HTR5A: variants seen among roughly 807,000 people sequenced by gnomAD.
The protein encoded by HTR5A is 5-HT-5.
A neutral mutation model predicts 24.3 loss-of-function variants in HTR5A; 21 were observed. The observed-to-expected ratio is 0.86, with a 90% CI of 0.61 to 1.24. HTR5A has a LOEUF of 1.24. HTR5A is among the 50% of genes most tolerant of loss of function. The probability of loss-of-function intolerance (pLI) is 0.00; values close to 1 mark genes in which losing one functional copy is unlikely to be tolerated. For missense variants in HTR5A, 497 were observed against 489.5 expected, an observed-to-expected ratio of 1.02 and a Z score of -0.15; for synonymous variants, 260 against 213.7, an observed-to-expected ratio of 1.22 and a Z score of -1.89.
At chr7:155,076,029 C>G (rs904617747) in intron 1 of HTR5A, among the ~76,000 whole-genome samples, 1 of 152,188 alleles carries the variant, frequency 6.6e-6, no homozygotes, top group African/African-American at 2.4e-5. Context: ...AACTTTTCTT[C>G]TCAGTTGACA....
rs987805565 is a variant in HTR5A at position 155,071,285 on chromosome 7, T to C, written c.386T>C (p.Ile129Thr). 1 of 1,608,938 alleles carries C rather than the reference T, an allele frequency of 6.2e-7. No homozygotes were observed. The highest frequency in any genetic ancestry group is 8.5e-7 in the Non-Finnish European group (1 of 1,179,870). Residue 129 changes from isoleucine to threonine, a missense_variant, in exon 1 of 2, where the codon ATC becomes ACC. Ile to Thr is a moderately conservative substitution (Grantham distance 89). Coordinates refer to ENST00000287907, the MANE Select transcript of HTR5A (RefSeq NM_024012.4). ...GACGTGCTTTGCTGCACGGCCAGCA[T>C]CTGGAACGTGACGGCCATAGCCCTG... The part of the protein sequence containing the change: ...ACDVLCCTAS[I>T]WNVTAIALDR...
intron 1 of HTR5A, among the ~76,000 whole-genome samples, chr7:155,072,303 CT>C: frequency 6.6e-6 from 1 of 152,154 alleles, no homozygotes; most frequent in Admixed American, 6.6e-5. Flanking sequence ...TAGGGTGTTA[CT>C]TTATGGGTCT....
At chr7:155,075,197 G>A (rs533938565) in intron 1 of HTR5A, among the ~76,000 whole-genome samples, 2 of 152,202 alleles carry the variant, frequency 1.3e-5, no homozygotes, top group Non-Finnish European at 2.9e-5. Context: ...TTTCTTCTCA[G>A]TCTGTCTGTG....
Position 155,085,346 on chromosome 7 carries a change from C to T in HTR5A, c.*859C>T, listed in dbSNP as rs1205410350. Reference sequence around the variant, plus strand: ...GTGTTTCTAGTCAAAGACCTTTATCCTCAAATCATGAGATTAGAGTAAAAC... The same window carrying T: ...GTGTTTCTAGTCAAAGACCTTTATCTTCAAATCATGAGATTAGAGTAAAAC... On this transcript the variant is annotated 3_prime_UTR_variant, in exon 2 of 2. Transcript: ENST00000287907. 1 of 94,936 alleles carries T rather than the reference C, an allele frequency of 1.1e-5. No individual in the cohort carries two copies. The highest frequency in any genetic ancestry group is 2.3e-4 in the East Asian group (1 of 4,428). 5.9% of individuals were successfully genotyped at this position (94,936 alleles called of 1,614,324 possible).
At chr7:155,078,841 T>G (rs1795386547) in intron 1 of HTR5A, among the ~76,000 whole-genome samples, 1 of 151,390 alleles carries the variant, frequency 6.6e-6, no homozygotes, top group African/African-American at 2.4e-5. Flanking sequence ...AATAAAAATT[T>G]TGTTTGATAT....
At chr7:155,072,563 TC>T (rs1362308594) in intron 1 of HTR5A, among the ~76,000 whole-genome samples, 1 of 152,146 alleles carries the variant, frequency 6.6e-6, no homozygotes, top group Non-Finnish European at 1.5e-5. Context: ...TGCAGGCTGC[TC>T]CCCCTTCATT....
intron 1 of HTR5A, chr7:155,074,633 T>A (rs761041355): frequency 2.6e-5 from 4 of 152,168 alleles, no homozygotes; most frequent in Non-Finnish European, 4.4e-5. Context: ...GTAGAGACAG[T>A]GTGAACTATT....
chr7:155,082,204 T>C (rs980309), intron 1 of HTR5A, among the ~76,000 whole-genome samples: 129,676 of 151,710 alleles, frequency 0.85, 58,907 homozygotes, highest in East Asian at 1. Context: ...GTGTCACCAG[T>C]GTGGCCAGCA....
At chr7:155,074,170 T>G (rs1430519348) in intron 1 of HTR5A, among the ~76,000 whole-genome samples, 1 of 152,026 alleles carries the variant, frequency 6.6e-6, no homozygotes, top group Non-Finnish European at 1.5e-5. Flanking sequence ...ACCACAACAC[T>G]TCTCTCTTGT....
At chr7:155,082,905 T>C (rs1427181244) in intron 1 of HTR5A, among the ~76,000 whole-genome samples, 1 of 152,222 alleles carries the variant, frequency 6.6e-6, no homozygotes, top group Non-Finnish European at 1.5e-5. Flanking sequence ...AAGTTTGGAC[T>C]ATTATGGACC....
chr7:155,084,640 A>C lies in HTR5A; in HGVS notation c.*153A>C. 2 of 626,030 alleles carry C rather than the reference A, an allele frequency of 3.2e-6. No individual in the cohort carries two copies. The highest frequency in any genetic ancestry group is 3.0e-5 in the Admixed American group (1 of 33,248). The allele number at this position is 626,030 out of a possible 1,614,324, so 38.8% of individuals were successfully genotyped here. A position where few individuals can be genotyped will look rare whatever the true frequency, so the allele number is the denominator to read the frequency against. ...TCAGAACTGCACTGGCCTCTTTTCC[A>C]CCTCCTCAGTAGGAATATGACTCCT... On this transcript the variant is annotated 3_prime_UTR_variant, in exon 2 of 2. Coordinates refer to ENST00000287907, the MANE Select transcript of HTR5A (RefSeq NM_024012.4).
At chr7:155,081,364 A>G (rs1271958240) in intron 1 of HTR5A, among the ~76,000 whole-genome samples, 1 of 152,236 alleles carries the variant, frequency 6.6e-6, no homozygotes, top group Non-Finnish European at 1.5e-5. Flanking sequence ...ATTTGTGATT[A>G]ACCAGTAAAT....
chr7:155,078,190 G>A (rs1206897187), intron 1 of HTR5A, among the ~76,000 whole-genome samples: 2 of 152,254 alleles, frequency 1.3e-5, no homozygotes, highest in South Asian at 4.1e-4. Context: ...TATCTAGAAA[G>A]CCATATCTTG....
At chr7:155,078,125 G>A (rs796281980) in intron 1 of HTR5A, among the ~76,000 whole-genome samples, 20 of 152,062 alleles carry the variant, frequency 1.3e-4, no homozygotes, top group South Asian at 6.2e-4. Flanking sequence ...AATATATACA[G>A]GGATCCTTAT....
chr7:155,074,153 T>C (rs1349776854), intron 1 of HTR5A, among the ~76,000 whole-genome samples: 2 of 152,024 alleles, frequency 1.3e-5, no homozygotes, highest in Admixed American at 6.6e-5. Flanking sequence ...AGCTGTTCCC[T>C]GGGGAAACCA....
chr7:155,080,346 G>A (rs1795402308), intron 1 of HTR5A, among the ~76,000 whole-genome samples: 1 of 152,160 alleles, frequency 6.6e-6, no homozygotes, highest in South Asian at 2.1e-4. Context: ...CTTATCCAAG[G>A]ACATAGTTGG....
chr7:155,084,497 C>T lies in HTR5A; in HGVS notation c.*10C>T, dbSNP rs1304894428. ...TTCTAGGCAACACTGAGGGAGAGGA[C>T]CAGGATTGAAAAAAGTTTCTTCCCA... On this transcript the variant is annotated 3_prime_UTR_variant, in exon 2 of 2. Coordinates refer to ENST00000287907, the MANE Select transcript of HTR5A (RefSeq NM_024012.4). 1.3e-6 allele frequency: 2 copies of T among 1,583,146 alleles called. No homozygotes were observed. Among genetic ancestry groups the T allele is most frequent in the Non-Finnish European group, 1.7e-6 (2 of 1,163,646 alleles).
rs1447083150 is a variant in HTR5A at position 155,070,364 on chromosome 7, G to T, written c.-536G>T. On this transcript the variant is annotated 5_prime_UTR_variant, in exon 1 of 2. Transcript: ENST00000287907. ...GAGCTGCAGCCTCCGAAGGGGTGGC[G>T]GGGGCAACAGGGACAGAAGGCAGGT... The T allele has an allele frequency of 8.8e-6, 4 of 454,394 alleles. No homozygotes were observed. Among genetic ancestry groups the T allele is most frequent in the Non-Finnish European group, 1.8e-5 (4 of 226,230 alleles). The allele number at this position is 454,394 out of a possible 1,614,324, so 28.1% of individuals were successfully genotyped here.
intron 1 of HTR5A, among the ~76,000 whole-genome samples, chr7:155,077,731 C>T (rs1332196368): frequency 1.3e-5 from 2 of 152,178 alleles, no homozygotes; most frequent in African/African-American, 4.8e-5. Context: ...TCCCAAAGTG[C>T]TGAGATTACA....
Sources: allele counts gnomAD v4.1 joint callset (sites outside exome capture counted in the v4.1 genomes callset), GRCh38; gene constraint gnomAD v4.1.1; transcripts MANE v1.5; gene names NCBI Gene and HGNC (gene_info 2026-07-23, HGNC 2026-07-21).